TAFA5: variants seen among roughly 807,000 people sequenced by gnomAD.
TAFA5 encodes the protein TAFA chemokine like family member 5.
TAFA5 carries 6 observed loss-of-function variants against 15.3 expected under a neutral mutation model. The ratio of observed to expected loss-of-function variants is 0.39; its 90% CI spans 0.21 to 0.77. TAFA5 has a LOEUF of 0.77. Ranked by LOEUF, TAFA5 falls within the 30% of genes least tolerant of loss-of-function variation. The pLI is 0.41. For missense variants in TAFA5, 161 were observed against 193.1 expected (o/e 0.83, Z 0.98); for synonymous variants, 103 against 80.7 (o/e 1.28, Z -1.48).
Position 48,639,264 on chromosome 22 carries a change from C to T in TAFA5, c.113-7333C>T, listed in dbSNP as rs560451613. ...TTCCCAGTGGCACTGTGGGTCACCT[C>T]GGGCCGCCCCCTGCCCTCAGGCCTG... On this transcript the variant is annotated intron_variant, in intron 1 of 3. Coordinates refer to ENST00000402357, the MANE Select transcript of TAFA5 (RefSeq NM_001082967.3). 6.6e-5 allele frequency among the ~76,000 whole-genome samples: 10 copies of T among 152,328 alleles called. No individual in the cohort carries two copies. The East Asian group carries it at 9.7e-4, about 15-fold the overall frequency.
At chr22:48,589,819 G>T (rs1339050990) in intron 1 of TAFA5, among the ~76,000 whole-genome samples, 1 of 151,018 alleles carries the variant, frequency 6.6e-6, no homozygotes, top group Non-Finnish European at 1.5e-5. Context: ...GCTTTTAGAG[G>T]AAGCGCAGGC....
intron 1 of TAFA5, among the ~76,000 whole-genome samples, chr22:48,633,706 G>C (rs968157186): frequency 2.0e-5 from 3 of 152,140 alleles, no homozygotes; most frequent in Non-Finnish European, 2.9e-5. Context: ...GGGTCCTGGT[G>C]CTTCTGTTGT....
intron 1 of TAFA5, among the ~76,000 whole-genome samples, chr22:48,641,544 C>T (rs112163835): frequency 0.022 from 3,379 of 150,738 alleles, 130 homozygotes; most frequent in African/African-American, 0.079. Flanking sequence ...GCACTCCCTC[C>T]CCTCGCACAC....
At chr22:48,695,318 C>CCCCA (rs1172650694) in intron 2 of TAFA5, among the ~76,000 whole-genome samples, 1 of 152,284 alleles carries the variant, frequency 6.6e-6, no homozygotes, top group East Asian at 1.9e-4. Flanking sequence ...AGAGCAGCCT[C>CCCCA]CCCAGCTCAG....
At chr22:48,723,301 A>T (rs571644293) in intron 3 of TAFA5, among the ~76,000 whole-genome samples, 1 of 152,348 alleles carries the variant, frequency 6.6e-6, no homozygotes, top group South Asian at 2.1e-4. Context: ...GTCTTTAAAA[A>T]TGAAATAGAA....
chr22:48,643,129 C>T (rs573390855), intron 1 of TAFA5, among the ~76,000 whole-genome samples: 18 of 152,298 alleles, frequency 1.2e-4, no homozygotes, highest in African/African-American at 3.6e-4. Flanking sequence ...CTGGGGGTCG[C>T]GACAGCCCAG....
At position 48,538,631 on chromosome 22, in the gene TAFA5, G is replaced by T. The variant is rs532436430; in HGVS notation, c.112+48927G>T. ...TCTGCCGTGCTCTCTGCTCCGGGCCGCGGTGGGCTCAGGTCTCTTCCACGC... is the reference window on the plus strand; with the variant it reads ...TCTGCCGTGCTCTCTGCTCCGGGCCTCGGTGGGCTCAGGTCTCTTCCACGC... On this transcript the variant is annotated intron_variant, in intron 1 of 3. Coordinates refer to ENST00000402357, the MANE Select transcript of TAFA5 (RefSeq NM_001082967.3). Among the ~76,000 whole-genome samples, 4 of 152,302 alleles carry T rather than the reference G, an allele frequency of 2.6e-5. No individual in the cohort carries two copies. In the South Asian group the frequency reaches 8.3e-4, roughly 32 times the overall value.
intron 2 of TAFA5, among the ~76,000 whole-genome samples, chr22:48,671,822 T>C (rs1186680770): frequency 6.6e-6 from 1 of 152,162 alleles, no homozygotes; most frequent in Non-Finnish European, 1.5e-5. Flanking sequence ...AGCTCCCTGA[T>C]GTGTGACCAG....
intron 1 of TAFA5, among the ~76,000 whole-genome samples, chr22:48,586,058 C>G (rs1924347451): frequency 6.6e-6 from 1 of 152,226 alleles, no homozygotes; most frequent in South Asian, 2.1e-4. Flanking sequence ...AGCCTTGTCC[C>G]CATCCTCACC....
chr22:48,684,615 A>G (rs1928296933), intron 2 of TAFA5, among the ~76,000 whole-genome samples: 1 of 152,256 alleles, frequency 6.6e-6, no homozygotes, highest in Admixed American at 6.5e-5. Flanking sequence ...GGCCCCTTTC[A>G]GATTCTCCAG....
chr22:48,540,860 A>G (rs1198427996), intron 1 of TAFA5, among the ~76,000 whole-genome samples: 3 of 138,032 alleles, frequency 2.2e-5, no homozygotes, highest in African/African-American at 7.9e-5. Flanking sequence ...CTGTCAGACC[A>G]TTTTTCATTG....
At chr22:48,685,503 C>G (rs1928324687) in intron 2 of TAFA5, among the ~76,000 whole-genome samples, 2 of 152,122 alleles carry the variant, frequency 1.3e-5, no homozygotes, top group African/African-American at 4.8e-5. Flanking sequence ...TGATGCTGCA[C>G]CAGAGTCAGG....
At chr22:48,523,525 G>A (rs777415071) in intron 1 of TAFA5, among the ~76,000 whole-genome samples, 4 of 152,226 alleles carry the variant, frequency 2.6e-5, no homozygotes, top group South Asian at 2.1e-4. Context: ...AGGCTGGCCC[G>A]GGGCCCCGGC....
intron 2 of TAFA5, among the ~76,000 whole-genome samples, chr22:48,688,111 T>C (rs879686063): frequency 3.3e-5 from 5 of 150,042 alleles, no homozygotes; most frequent in Non-Finnish European, 5.9e-5. Context: ...GGTTTTTTTT[T>C]CCCTCTCTCT....
intron 1 of TAFA5, among the ~76,000 whole-genome samples, chr22:48,526,350 C>T (rs1921781883): frequency 6.6e-6 from 1 of 152,242 alleles, no homozygotes; most frequent in Admixed American, 6.5e-5. Context: ...CACTGTGTAC[C>T]CTTGGCTGGC....
chr22:48,675,806 C>G (rs879686454), intron 2 of TAFA5, among the ~76,000 whole-genome samples: 1 of 152,268 alleles, frequency 6.6e-6, no homozygotes, highest in Non-Finnish European at 1.5e-5. Context: ...TCCCCAGTCT[C>G]CAGGTCAGCA....
At chr22:48,651,414 G>A (rs575704914) in intron 2 of TAFA5, among the ~76,000 whole-genome samples, 11 of 152,350 alleles carry the variant, frequency 7.2e-5, no homozygotes, top group African/African-American at 2.4e-4. Flanking sequence ...CAGGGCCAGA[G>A]GGCCTGGAGG....
intron 1 of TAFA5, among the ~76,000 whole-genome samples, chr22:48,526,669 G>A (rs758955496): frequency 3.9e-5 from 6 of 152,202 alleles, no homozygotes; most frequent in Non-Finnish European, 7.3e-5. Context: ...TTTGCATGTC[G>A]ATCACGCTGC....
At chr22:48,683,825 T>C (rs1308744969) in intron 2 of TAFA5, among the ~76,000 whole-genome samples, 1 of 152,198 alleles carries the variant, frequency 6.6e-6, no homozygotes, top group Non-Finnish European at 1.5e-5. Context: ...CCCCATGCTG[T>C]TCTCATGACA....
Sources: allele counts gnomAD v4.1 joint callset (sites outside exome capture counted in the v4.1 genomes callset), GRCh38; gene constraint gnomAD v4.1.1; transcripts MANE v1.5; gene names NCBI Gene and HGNC (gene_info 2026-07-23, HGNC 2026-07-21).